ZMAT3: variants seen among roughly 807,000 people sequenced by gnomAD.
ZMAT3 encodes zinc finger matrin-type 3.
ZMAT3 carries 17 observed loss-of-function variants against 32.3 expected under a neutral mutation model. That is an observed-to-expected ratio of 0.53 (90% CI 0.36 to 0.79). ZMAT3 has a LOEUF of 0.79. ZMAT3 is among the 30% of genes least tolerant of loss of function. ZMAT3 has a pLI of 0.00. For missense variants in ZMAT3, 329 were observed against 359.7 expected, an observed-to-expected ratio of 0.91 and a Z score of 0.69; for synonymous variants, 120 against 133.1, an observed-to-expected ratio of 0.90 and a Z score of 0.68.
At chr3:179,072,304 A>C (rs1721764850), upstream of ZMAT3, 1 of 152,518 alleles carries the variant, frequency 6.6e-6, no homozygotes, top group South Asian at 2.1e-4. Context: ...CTGCCTGCCC[A>C]GTATCGGCCT....
intron 2 of ZMAT3, among the ~76,000 whole-genome samples, chr3:179,062,769 T>C (rs1721215754): frequency 6.6e-6 from 1 of 152,236 alleles, no homozygotes; most frequent in African/African-American, 2.4e-5. Flanking sequence ...ATGAGAATCT[T>C]TTAAGGTAAC....
intron 5 of ZMAT3, among the ~76,000 whole-genome samples, chr3:179,025,650 C>T (rs371659345): frequency 7.2e-5 from 11 of 152,086 alleles, no homozygotes; most frequent in African/African-American, 2.4e-4. Flanking sequence ...ATGTTTATCT[C>T]AGCAGTGATT....
chr3:179,067,057 C>A (rs1485587899), intron 2 of ZMAT3, among the ~76,000 whole-genome samples: 1 of 152,190 alleles, frequency 6.6e-6, no homozygotes, highest in East Asian at 1.9e-4. Context: ...CGAAATGATG[C>A]AAATTATATT....
chr3:179,047,302 A>C (rs1483280336), intron 2 of ZMAT3, among the ~76,000 whole-genome samples: 1 of 152,206 alleles, frequency 6.6e-6, no homozygotes, highest in Non-Finnish European at 1.5e-5. Context: ...CCTAGAGGAA[A>C]GGTGAGAGCA....
chr3:179,031,770 G>T (rs1006380943), intron 2 of ZMAT3, among the ~76,000 whole-genome samples: 2 of 151,958 alleles, frequency 1.3e-5, no homozygotes, highest in African/African-American at 4.8e-5. Flanking sequence ...AGCTGAGCAT[G>T]GTGGCACATG....
At chr3:179,067,957 A>G in intron 1 of ZMAT3, 148 bp from the exon 2 acceptor site, 1 of 709,936 alleles carries the variant, frequency 1.4e-6, no homozygotes, top group Admixed American at 3.0e-5. Context: ...CTCATTTAGC[A>G]GACTTCCCCT....
At chr3:179,027,857 G>T in intron 3 of ZMAT3, 45 bp from the exon 4 acceptor site, 1 of 1,559,508 alleles carries the variant, frequency 6.4e-7, no homozygotes, top group Non-Finnish European at 8.6e-7. Context: ...AAAAAATACA[G>T]AGTTTCCTCC....
In ZMAT3 at chr3:179,049,189, C is replaced by T. The variant is rs1356022536; in HGVS notation, c.271-18190G>A. Among the ~76,000 whole-genome samples, 14 of 152,290 alleles carry T rather than the reference C, an allele frequency of 9.2e-5. No homozygotes were observed. The East Asian group carries it at 2.7e-3, about 29-fold the overall frequency. ...AACTTATAAAACAATTACTACTAGA[C>T]CTAACAAATGAGATAGACAGCAATA... On this transcript the variant is annotated intron_variant, in intron 2 of 5. Transcript: ENST00000311417.
At chr3:179,031,231 G>A (rs1328924602) in intron 2 of ZMAT3, among the ~76,000 whole-genome samples, 2 of 149,006 alleles carry the variant, frequency 1.3e-5, no homozygotes, top group East Asian at 1.9e-4. Flanking sequence ...CCTGGGTTAT[G>A]TATGTACAGG....
intron 2 of ZMAT3, among the ~76,000 whole-genome samples, chr3:179,056,657 T>C (rs1336353922): frequency 6.6e-6 from 1 of 152,154 alleles, no homozygotes; most frequent in African/African-American, 2.4e-5. Flanking sequence ...GCCCCGGGTA[T>C]GCTTGACCAT....
At chr3:179,062,691 T>C (rs903751603) in intron 2 of ZMAT3, among the ~76,000 whole-genome samples, 1 of 152,244 alleles carries the variant, frequency 6.6e-6, no homozygotes, top group African/African-American at 2.4e-5. Flanking sequence ...ACGAGTAGTA[T>C]GGTTGAAAGC....
Position 179,027,820 on chromosome 3 carries a change from C to T in ZMAT3, c.391-8G>A. 1 of 1,593,830 alleles carries T rather than the reference C, an allele frequency of 6.3e-7. No homozygotes were observed. Among genetic ancestry groups the T allele is most frequent in the South Asian group, 1.1e-5 (1 of 87,656 alleles). On this transcript the variant is annotated splice_polypyrimidine_tract_variant and splice_region_variant and intron_variant, in intron 3 of 5. Transcript: ENST00000311417. ...TGGCTTAAAGGAGCCCATCTGACAT[C>T]AAAGACACAAGAAGAAACAAAGTTA...
At chr3:179,060,280 A>T (rs1177987959) in intron 2 of ZMAT3, among the ~76,000 whole-genome samples, 1 of 152,204 alleles carries the variant, frequency 6.6e-6, no homozygotes, top group Non-Finnish European at 1.5e-5. Flanking sequence ...ACTTCAATAA[A>T]GCTAGAAAAA....
intron 2 of ZMAT3, among the ~76,000 whole-genome samples, chr3:179,038,137 G>C (rs927280804): frequency 2.6e-5 from 4 of 152,202 alleles, no homozygotes; most frequent in Non-Finnish European, 5.9e-5. Context: ...TAGAGAAAGG[G>C]GGAAGAGCTG....
At position 179,058,864 on chromosome 3, in the gene ZMAT3, T is replaced by C. The variant is rs1385052940; in HGVS notation, c.270+8619A>G. ...GTAATTCCCTCACTCCAGGAACTAG[T>C]GCTCAGCTGGCAGAACTAATAGCCC... On this transcript the variant is annotated intron_variant, in intron 2 of 5. Coordinates refer to ENST00000311417, the MANE Select transcript of ZMAT3 (RefSeq NM_022470.4). Among the ~76,000 whole-genome samples the C allele has an allele frequency of 5.3e-5, 8 of 152,084 alleles. No homozygotes were observed. The East Asian group carries it at 1.5e-3, about 29-fold the overall frequency.
intron 1 of ZMAT3, among the ~76,000 whole-genome samples, chr3:179,068,885 C>T (rs978770598): frequency 2.0e-5 from 3 of 152,164 alleles, no homozygotes; most frequent in African/African-American, 7.2e-5. Flanking sequence ...AAAGGATGAT[C>T]TGGCATCACT....
At chr3:179,061,635 GT>G (rs1438651003) in intron 2 of ZMAT3, among the ~76,000 whole-genome samples, 2 of 151,864 alleles carry the variant, frequency 1.3e-5, no homozygotes, top group Non-Finnish European at 2.9e-5. Context: ...TTATTTCAAA[GT>G]TATAATCCAC....
Position 179,067,531 on chromosome 3 carries a change from G to C in ZMAT3, c.222C>G (p.Leu74=), listed in dbSNP as rs148289661. The C allele has an allele frequency of 1.2e-6, 2 of 1,614,098 alleles. No individual in the cohort carries two copies. The highest frequency in any genetic ancestry group is 2.7e-5 in the African/African-American group (2 of 74,928). The change falls in exon 2 of 6, where the codon CTC becomes CTG. Residue 74 remains leucine, a synonymous_variant. Coordinates refer to ENST00000311417, the MANE Select transcript of ZMAT3 (RefSeq NM_022470.4). ...EELCKPLYCK[L]CNVTLNSAQQ... Reference sequence around the variant, plus strand: ...GTGCAGAGTTCAAGGTGACATTGCAGAGTTTGCAGTACAGGGGCTTACATA... The same window carrying C: ...GTGCAGAGTTCAAGGTGACATTGCACAGTTTGCAGTACAGGGGCTTACATA...
chr3:179,036,374 C>T (rs1719588478), intron 2 of ZMAT3, among the ~76,000 whole-genome samples: 1 of 152,136 alleles, frequency 6.6e-6, no homozygotes, highest in African/African-American at 2.4e-5. Flanking sequence ...AGGATGAAGA[C>T]AGACTCTCAG....
Sources: gnomAD v4.1 joint callset for allele counts (sites outside exome capture counted in the v4.1 genomes callset) on GRCh38, gnomAD v4.1.1 for gene constraint, MANE v1.5 for transcripts, NCBI Gene and HGNC (gene_info 2026-07-23, HGNC 2026-07-21) for gene names.